The following SEMA5A variants were observed in gnomAD, a reference collection of about 807,000 sequenced individuals.
The protein encoded by SEMA5A is semaphorin 5A.
A neutral mutation model predicts 135.5 loss-of-function variants in SEMA5A; 55 were observed. The ratio of observed to expected loss-of-function variants is 0.41; its 90% CI spans 0.33 to 0.51. The LOEUF is 0.51. SEMA5A is among the 20% of genes least tolerant of loss of function. The pLI is 0.37. For synonymous variants in SEMA5A, 580 were observed against 546.5 expected (o/e 1.06, Z -0.85); for missense variants, 1,290 against 1,419.9 (o/e 0.91, Z 1.47).
chr5:9,358,602 G>A (rs1284657248), intron 3 of SEMA5A, among the ~76,000 whole-genome samples: 1 of 152,240 alleles, frequency 6.6e-6, no homozygotes, highest in Non-Finnish European at 1.5e-5. Flanking sequence ...AGTGCCTAAT[G>A]CAAAGGCTGC....
In SEMA5A at chr5:9,050,436, C is replaced by T. The variant is rs1736505610; in HGVS notation, c.2867G>A (p.Ser956Asn). The T allele has an allele frequency of 6.2e-7, 1 of 1,612,866 alleles. No homozygotes were observed. ...TCCACACCTTTTCTCTTCTACGCTA[C>T]TGGATCTTGCCACAGATACTTCTGG... ...FIPEVSVARS[S>N]SVEEKRCGEF... Residue 956 changes from serine (S) to asparagine (N), a missense_variant, in exon 21 of 23, where the codon AGT becomes AAT. Ser to Asn is a conservative substitution (Grantham distance 46). Transcript: ENST00000382496.
intron 11 of SEMA5A, among the ~76,000 whole-genome samples, chr5:9,171,193 C>A (rs1220500677): frequency 6.6e-6 from 1 of 152,102 alleles, no homozygotes; most frequent in Non-Finnish European, 1.5e-5. Context: ...TCTTTTAAAA[C>A]ACGCTCTGGG....
chr5:9,332,860 T>C (rs1048787000), intron 4 of SEMA5A, among the ~76,000 whole-genome samples: 2 of 152,270 alleles, frequency 1.3e-5, no homozygotes, highest in African/African-American at 4.8e-5. Flanking sequence ...CTATGAATTA[T>C]GATCATTACC....
intron 21 of SEMA5A, 142 bp from the exon 22 acceptor site, chr5:9,044,726 T>G (rs1579293137): frequency 1.5e-6 from 1 of 660,490 alleles, no homozygotes; most frequent in East Asian, 2.7e-5. Context: ...TTCTTAAGAG[T>G]CTTTCATTGG....
chr5:9,269,984 C>G (rs1278512653), intron 5 of SEMA5A, among the ~76,000 whole-genome samples: 2 of 152,058 alleles, frequency 1.3e-5, no homozygotes, highest in Non-Finnish European at 2.9e-5. Context: ...TCTGGGAGCT[C>G]AGATATCAGG....
At chr5:9,331,012 T>G (rs1191680177) in intron 4 of SEMA5A, among the ~76,000 whole-genome samples, 1 of 152,250 alleles carries the variant, frequency 6.6e-6, no homozygotes, top group Non-Finnish European at 1.5e-5. Context: ...TACTCCTTTT[T>G]GCATTCACTG....
chr5:9,294,211 T>C (rs2150591862), intron 5 of SEMA5A, among the ~76,000 whole-genome samples: 1 of 152,202 alleles, frequency 6.6e-6, no homozygotes, highest in South Asian at 2.1e-4. Flanking sequence ...CCCTCTCAGC[T>C]CGGCTGCAGC....
chr5:9,407,826 T>C (rs1261605637), intron 2 of SEMA5A, among the ~76,000 whole-genome samples: 1 of 152,048 alleles, frequency 6.6e-6, no homozygotes, highest in African/African-American at 2.4e-5. Flanking sequence ...AGCGCAAAAG[T>C]CACTTTAGGA....
Position 9,443,601 on chromosome 5 carries a change from G to C in SEMA5A, c.-174-5749C>G, listed in dbSNP as rs566069881. Among the ~76,000 whole-genome samples, 258 of 152,306 alleles carry C rather than the reference G, an allele frequency of 1.7e-3. 1 individual carries two copies. The highest frequency in any genetic ancestry group is 3.4e-3 in the Middle Eastern group (1 of 294). ...GGTTACTCTAGTGAAGCAAATTAAC[G>C]TATTTATCATCTCACATAGTTACAT... On this transcript the variant is annotated intron_variant, in intron 1 of 22. Transcript: ENST00000382496.
At chr5:9,127,174 G>T (rs1741161682) in intron 13 of SEMA5A, among the ~76,000 whole-genome samples, 1 of 152,182 alleles carries the variant, frequency 6.6e-6, no homozygotes, top group African/African-American at 2.4e-5. Context: ...TAAAAGCAAG[G>T]TGGAATCAGT....
At chr5:9,066,336 T>A in intron 17 of SEMA5A, 85 bp downstream of exon 17, 1 of 1,291,612 alleles carries the variant, frequency 7.7e-7, no homozygotes, top group Non-Finnish European at 1.1e-6. Context: ...AAAAGGAAAA[T>A]GCCCCCTTGC....
intron 1 of SEMA5A, chr5:9,498,834 T>C (rs919852042): frequency 2.6e-5 from 4 of 152,196 alleles, no homozygotes; most frequent in African/African-American, 9.7e-5. Flanking sequence ...ATGTTTAGCA[T>C]GATTTGGGCT....
intron 1 of SEMA5A, among the ~76,000 whole-genome samples, chr5:9,525,796 T>G (rs1226961571): frequency 6.6e-6 from 1 of 152,240 alleles, no homozygotes; most frequent in Admixed American, 6.5e-5. Context: ...TTGTATCTTT[T>G]TTTCTTTACG....
At chr5:9,541,048 T>C (rs17262778) in intron 1 of SEMA5A, among the ~76,000 whole-genome samples, 14,657 of 152,256 alleles carry the variant, frequency 0.096, 955 homozygotes, top group Non-Finnish European at 0.14. Flanking sequence ...TTTCTTTCCA[T>C]GAGTACATCA....
intron 8 of SEMA5A, among the ~76,000 whole-genome samples, chr5:9,218,329 G>T (rs762609415): frequency 8.5e-5 from 13 of 152,154 alleles, no homozygotes; most frequent in Non-Finnish European, 1.6e-4. Context: ...GTCACTGAAG[G>T]TATGGCTTGA....
intron 1 of SEMA5A, among the ~76,000 whole-genome samples, chr5:9,478,847 A>G (rs1759767895): frequency 6.6e-6 from 1 of 152,174 alleles, no homozygotes; most frequent in Non-Finnish European, 1.5e-5. Context: ...TTGTGTTTTG[A>G]AAAGTGAGAA....
intron 5 of SEMA5A, among the ~76,000 whole-genome samples, chr5:9,313,995 C>T (rs1752279903): frequency 6.6e-6 from 1 of 152,142 alleles, no homozygotes; most frequent in South Asian, 2.1e-4. Flanking sequence ...CCAAGGATGC[C>T]TTGTCTAGTG....
chr5:9,470,681 G>C (rs879361073), intron 1 of SEMA5A, among the ~76,000 whole-genome samples: 1 of 152,108 alleles, frequency 6.6e-6, no homozygotes, highest in Admixed American at 6.5e-5. Context: ...AGGGTCAATG[G>C]ACCATATGCC....
chr5:9,415,901 A>G (rs1296078138), intron 2 of SEMA5A, among the ~76,000 whole-genome samples: 2 of 152,212 alleles, frequency 1.3e-5, no homozygotes, highest in Admixed American at 6.5e-5. Context: ...TTGTTGGACA[A>G]CTTTCTTATT....
Sources: gnomAD v4.1 joint callset for allele counts (sites outside exome capture counted in the v4.1 genomes callset) on GRCh38, gnomAD v4.1.1 for gene constraint, MANE v1.5 for transcripts, NCBI Gene and HGNC (gene_info 2026-07-23, HGNC 2026-07-21) for gene names.